The following SPAG9 variants were observed in gnomAD, a reference collection of about 807,000 sequenced individuals.
SPAG9 encodes sperm associated antigen 9.
In SPAG9, 35 loss-of-function variants were observed where a neutral mutation model predicts 166.5. The ratio of observed to expected loss-of-function variants is 0.21; its 90% CI spans 0.16 to 0.28. The LOEUF is 0.28. Among genes scored for constraint, SPAG9 ranks in the 10% least tolerant of loss-of-function variants. SPAG9 has a pLI of 1.00. For missense variants in SPAG9, 1,235 were observed against 1,603.3 expected, an observed-to-expected ratio of 0.77 and a Z score of 3.92; for synonymous variants, 534 against 565.5, an observed-to-expected ratio of 0.94 and a Z score of 0.79.
rs1170131022 is a variant in SPAG9 at position 50,964,394 on chromosome 17, C to G, written c.*1878G>C. ...TCTGAGGTCAGGAGTTTGAGACCAG[C>G]CTGGCCAATGTGGTGAAACCCTGTC... On this transcript the variant is annotated 3_prime_UTR_variant, in exon 30 of 30. Coordinates refer to ENST00000262013, the MANE Select transcript of SPAG9 (RefSeq NM_001130528.3). 1 of 153,276 alleles carries G rather than the reference C, an allele frequency of 6.5e-6. No individual in the cohort carries two copies. Among genetic ancestry groups the G allele is most frequent in the Non-Finnish European group, 1.5e-5 (1 of 68,646 alleles). The allele number at this position is 153,276 out of a possible 1,614,324, so 9.5% of individuals were successfully genotyped here.
intron 1 of SPAG9, among the ~76,000 whole-genome samples, chr17:51,084,420 G>A (rs965318108): frequency 6.6e-6 from 1 of 151,710 alleles, no homozygotes; most frequent in Admixed American, 6.6e-5. Flanking sequence ...ATGGAGTCTT[G>A]CTCTGTCACC....
chr17:51,040,246 CAA>C (rs373207596), intron 5 of SPAG9, among the ~76,000 whole-genome samples: 16 of 75,538 alleles, frequency 2.1e-4, no homozygotes, highest in Admixed American at 3.1e-4. Flanking sequence ...GACTCTGTCT[CAA>C]AAAAAAAAAA....
chr17:51,048,609 A>G (rs2047096200), intron 3 of SPAG9, among the ~76,000 whole-genome samples: 1 of 152,178 alleles, frequency 6.6e-6, no homozygotes, highest in Non-Finnish European at 1.5e-5. Context: ...TTAAGTAACA[A>G]AATAAAATTT....
chr17:51,033,438 G>A (rs2046464145), intron 5 of SPAG9, among the ~76,000 whole-genome samples: 1 of 152,064 alleles, frequency 6.6e-6, no homozygotes, highest in Non-Finnish European at 1.5e-5. Context: ...AATGACTGGG[G>A]GAAAAAATGA....
At chr17:51,038,188 A>T (rs531905920) in intron 5 of SPAG9, among the ~76,000 whole-genome samples, 1 of 152,178 alleles carries the variant, frequency 6.6e-6, no homozygotes, top group Non-Finnish European at 1.5e-5. Context: ...AAGCAATTAG[A>T]TGCAGAGGTC....
At chr17:51,053,871 A>AAG (rs2047271626) in intron 3 of SPAG9, among the ~76,000 whole-genome samples, 23 of 97,338 alleles carry the variant, frequency 2.4e-4, no homozygotes, top group African/African-American at 1.2e-3. Flanking sequence ...ATATATATAT[A>AAG]TATATATATA....
intron 2 of SPAG9, among the ~76,000 whole-genome samples, chr17:51,064,121 C>T (rs1423872726): frequency 2.0e-5 from 3 of 152,134 alleles, no homozygotes; most frequent in Non-Finnish European, 4.4e-5. Context: ...AGGCCCTTAA[C>T]TAATTCATTT....
Position 51,021,141 on chromosome 17 carries a change from G to A in SPAG9, c.991+17C>T, listed in dbSNP as rs140999977. The A allele has an allele frequency of 6.3e-7, 1 of 1,594,838 alleles. No individual in the cohort carries two copies. The highest frequency in any genetic ancestry group is 8.6e-7 in the Non-Finnish European group (1 of 1,162,632). The stretch of plus-strand genomic sequence containing the variant: ...ACTGAATACTTTCCTAGTAAGTAAA[G>A]AACTAGGGTCACTCACCAGTAGATA... On this transcript the variant is annotated intron_variant, in intron 7 of 29. Transcript: ENST00000262013.
At chr17:51,043,593 T>A (rs2046920438) in intron 4 of SPAG9, among the ~76,000 whole-genome samples, 1 of 152,212 alleles carries the variant, frequency 6.6e-6, no homozygotes, top group Non-Finnish European at 1.5e-5. Context: ...GTCAATCTGA[T>A]GTTTTCCCCC....
intron 2 of SPAG9, among the ~76,000 whole-genome samples, chr17:51,072,023 T>C (rs563038347): frequency 3.9e-5 from 6 of 152,300 alleles, no homozygotes; most frequent in African/African-American, 1.4e-4. Flanking sequence ...TAAATAAATG[T>C]TTATTTTAAA....
At chr17:51,098,250 A>G (rs1446430577) in intron 1 of SPAG9, among the ~76,000 whole-genome samples, 1 of 152,034 alleles carries the variant, frequency 6.6e-6, no homozygotes, top group Non-Finnish European at 1.5e-5. Context: ...TGAACACCCA[A>G]TCACCATGCT....
At chr17:51,091,060 G>A (rs963894923) in intron 1 of SPAG9, among the ~76,000 whole-genome samples, 3 of 151,840 alleles carry the variant, frequency 2.0e-5, no homozygotes, top group African/African-American at 4.9e-5. Flanking sequence ...TCAGGAGTTC[G>A]ACACCAGCCT....
At chr17:51,027,434 C>CA (rs560398446) in intron 6 of SPAG9, among the ~76,000 whole-genome samples, 1,239 of 111,108 alleles carry the variant, frequency 0.011, 7 homozygotes, top group South Asian at 0.026. Context: ...GACCTTGTCT[C>CA]AAAAAAAAAA....
intron 4 of SPAG9, among the ~76,000 whole-genome samples, chr17:51,043,040 C>T (rs530814737): frequency 6.5e-4 from 99 of 152,158 alleles, no homozygotes; most frequent in African/African-American, 2.2e-3. Flanking sequence ...ACAGGCATTA[C>T]CACCACGTCT....
chr17:51,036,250 A>AT (rs1357067737), intron 5 of SPAG9, among the ~76,000 whole-genome samples: 1 of 152,014 alleles, frequency 6.6e-6, no homozygotes. Flanking sequence ...CACAATCACC[A>AT]TTTTGAGTAG....
chr17:51,100,746 C>T (rs997398480), intron 1 of SPAG9, among the ~76,000 whole-genome samples: 1 of 151,942 alleles, frequency 6.6e-6, no homozygotes, highest in Non-Finnish European at 1.5e-5. Flanking sequence ...ATGGAGAAAC[C>T]CCCTCTCTAC....
chr17:51,055,244 T>C (rs138160969), intron 3 of SPAG9, among the ~76,000 whole-genome samples: 111 of 152,096 alleles, frequency 7.3e-4, no homozygotes, highest in African/African-American at 2.6e-3. Flanking sequence ...TCCCAGTTAC[T>C]TGGGAGGCTG....
At chr17:51,104,003 A>G (rs2048874145) in intron 1 of SPAG9, among the ~76,000 whole-genome samples, 1 of 152,204 alleles carries the variant, frequency 6.6e-6, no homozygotes. Context: ...TTAGAAAGTA[A>G]TGAGATTCCA....
chr17:51,026,319 A>AG (rs1317553099), intron 6 of SPAG9, among the ~76,000 whole-genome samples: 4 of 147,858 alleles, frequency 2.7e-5, no homozygotes, highest in Non-Finnish European at 6.0e-5. Flanking sequence ...GGGTGAAAAG[A>AG]GAAAAAAAAA....
Sources: allele counts gnomAD v4.1 joint callset (sites outside exome capture counted in the v4.1 genomes callset), GRCh38; gene constraint gnomAD v4.1.1; transcripts MANE v1.5; gene names NCBI Gene and HGNC (gene_info 2026-07-23, HGNC 2026-07-21).